The following ITGA11 variants were observed in gnomAD, a reference collection of about 807,000 sequenced individuals.
The protein encoded by ITGA11 is integrin subunit alpha 11.
ITGA11 carries 97 observed loss-of-function variants against 141.9 expected under a neutral mutation model. The observed-to-expected ratio is 0.68, with a 90% CI of 0.58 to 0.81. The LOEUF is 0.81. Among genes scored for constraint, ITGA11 ranks in the 30% least tolerant of loss-of-function variants. The pLI, the probability that ITGA11 is intolerant of heterozygous loss-of-function variation, is 0.00. For synonymous variants in ITGA11, 658 were observed against 624.6 expected, an observed-to-expected ratio of 1.05 and a Z score of -0.80; for missense variants, 1,387 against 1,559.2, an observed-to-expected ratio of 0.89 and a Z score of 1.86.
At chr15:68,409,508 C>T (rs1896721621) in intron 1 of ITGA11, among the ~76,000 whole-genome samples, 1 of 151,694 alleles carries the variant, frequency 6.6e-6, no homozygotes. Context: ...TGATACTCTA[C>T]CTATCAGTAC....
rs1287733432 is a variant in ITGA11, at chr15:68,305,081, T to TC, written c.3382-1197dup. 1.3e-5 allele frequency among the ~76,000 whole-genome samples: 2 copies of TC among 152,224 alleles called. No homozygotes were observed. The highest frequency in any genetic ancestry group is 4.8e-5 in the African/African-American group (2 of 41,464). On this transcript the variant is annotated intron_variant, in intron 28 of 29. Transcript: ENST00000315757. This position sits in a 1 kb window ranked among gnomAD's most constrained non-coding sequence, Gnocchi z 4.6. ...GTCCTGGCCCTGGCCTGCAAGGCCC[T>TC]CCCCTCTCGGGTCCCACCTGTCTTG...
At chr15:68,395,241 G>GAAAACTCT (rs1312498932) in intron 2 of ITGA11, among the ~76,000 whole-genome samples, 2 of 152,210 alleles carry the variant, frequency 1.3e-5, no homozygotes, top group Admixed American at 6.5e-5. Context: ...CAGAAAAGCT[G>GAAAACTCT]AAAACTCTAA....
chr15:68,431,677 C>T (rs931546496), intron 1 of ITGA11, among the ~76,000 whole-genome samples: 1 of 152,264 alleles, frequency 6.6e-6, no homozygotes, highest in Non-Finnish European at 1.5e-5. Flanking sequence ...CCCGAGTGCC[C>T]CTGGCAGCCG....
intron 2 of ITGA11, among the ~76,000 whole-genome samples, chr15:68,397,804 A>G (rs922336231): frequency 9.5e-6 from 1 of 104,842 alleles, no homozygotes; most frequent in Non-Finnish European, 1.8e-5. Context: ...AAAATTATTA[A>G]TAATAATATT....
In ITGA11 at chr15:68,308,842, T is replaced by C. The variant is rs1266924495; in HGVS notation, c.3175-1146A>G. ...GCAGCAGATCATTCATATCAATTTG[T>C]GAGGAAAAAAAAAATCTTGTTCAGG... is the stretch of plus-strand genomic sequence containing the variant. On this transcript the variant is annotated intron_variant, in intron 26 of 29. Transcript: ENST00000315757. The surrounding 1 kb of genome is among the most constrained non-coding windows in gnomAD (Gnocchi z 5.2). Among the ~76,000 whole-genome samples, 1 of 151,884 alleles carries C rather than the reference T, an allele frequency of 6.6e-6. No homozygotes were observed. The highest frequency in any genetic ancestry group is 2.4e-5 in the African/African-American group (1 of 41,356).
intron 3 of ITGA11, 44 bp from the exon 4 acceptor site, chr15:68,364,842 G>A (rs186414186): frequency 3.7e-5 from 58 of 1,558,258 alleles, no homozygotes; most frequent in East Asian, 2.2e-4. Context: ...CCTCCTGCCC[G>A]CCCTCTGCCC....
At chr15:68,397,983 T>G (rs1433367515) in intron 2 of ITGA11, among the ~76,000 whole-genome samples, 5 of 149,652 alleles carry the variant, frequency 3.3e-5, no homozygotes, top group African/African-American at 1.2e-4. Flanking sequence ...AGGCCTGCCC[T>G]AAAAGAGCTC....
chr15:68,373,280 T>C (rs1895643756), intron 2 of ITGA11, among the ~76,000 whole-genome samples: 1 of 152,186 alleles, frequency 6.6e-6, no homozygotes. Flanking sequence ...ACTGCCCTAC[T>C]GCACCAGAGT....
intron 11 of ITGA11, among the ~76,000 whole-genome samples, chr15:68,337,156 G>A (rs1272380448): frequency 6.6e-6 from 1 of 152,186 alleles, no homozygotes; most frequent in Non-Finnish European, 1.5e-5. Flanking sequence ...CTGCTTGGAA[G>A]GAGGGGCACT....
intron 1 of ITGA11, among the ~76,000 whole-genome samples, chr15:68,412,928 G>T (rs551596324): frequency 2.6e-5 from 4 of 151,878 alleles, no homozygotes; most frequent in Non-Finnish European, 5.9e-5. Flanking sequence ...TACCTGCCTC[G>T]GCCTCCCAAA....
chr15:68,310,966 T>C (rs1230041100), intron 26 of ITGA11, 28 bp downstream of exon 26: 9 of 1,558,944 alleles, frequency 5.8e-6, no homozygotes, highest in Non-Finnish European at 7.9e-6. Flanking sequence ...CCCCAACCAC[T>C]GTGGCTCTCG....
intron 3 of ITGA11, among the ~76,000 whole-genome samples, 197 bp from the exon 4 acceptor site, chr15:68,364,995 C>T (rs1298447316): frequency 3.1e-5 from 2 of 63,540 alleles, no homozygotes; most frequent in Non-Finnish European, 6.9e-5. Context: ...ATGAGAAAAC[C>T]GAGTCTCAGA....
chr15:68,354,116 C>T (rs763084394), intron 7 of ITGA11, among the ~76,000 whole-genome samples: 17 of 152,146 alleles, frequency 1.1e-4, no homozygotes, highest in Non-Finnish European at 2.1e-4. Context: ...GCTCCACTCC[C>T]GCTACCACAC....
intron 2 of ITGA11, among the ~76,000 whole-genome samples, chr15:68,385,471 T>C (rs962909984): frequency 3.3e-5 from 5 of 152,250 alleles, no homozygotes; most frequent in Admixed American, 6.5e-5. Context: ...GCCTTTGCAG[T>C]CAACCCAAAT....
chr15:68,335,798 C>T lies in ITGA11; in HGVS notation c.1324G>A (p.Val442Met), dbSNP rs777557460. ...VVSSRQGRVY[V>M]AGAPRFNHTG... ...TGGTTGAACCGGGGGGCTCCGGCCA[C>T]GTACACCCGCCCCTGCCTGGAGGAC... is the stretch of plus-strand genomic sequence containing the variant. Residue 442 changes from valine to methionine, a missense_variant, in exon 12 of 30, where the codon GTG becomes ATG. Val to Met is a conservative substitution (Grantham distance 21). Transcript: ENST00000315757. This position sits in a 1 kb window ranked among gnomAD's most constrained non-coding sequence, Gnocchi z 4.9. 7.4e-6 allele frequency: 12 copies of T among 1,613,222 alleles called. No individual in the cohort carries two copies. Among genetic ancestry groups the T allele is most frequent in the Admixed American group, 1.7e-5 (1 of 59,936 alleles).
Position 68,312,822 on chromosome 15 carries a change from G to C in ITGA11, c.2924C>G (p.Ser975Trp), listed in dbSNP as rs267604299. 6.2e-7 allele frequency: 1 copy of C among 1,613,812 alleles called. No individual in the cohort carries two copies. Among genetic ancestry groups the C allele is most frequent in the African/African-American group, 1.3e-5 (1 of 75,052 alleles). ...CCCGATACCATCGTATCTCTCCAGC[G>C]AGCTGTTGGGCTTGACCTCGTAGTG... ...LSHYEVKPNS[S>W]LERYDGIGPP... The change falls in exon 24 of 30, where the codon TCG (serine) becomes TGG (tryptophan). Residue 975 changes from serine (S) to tryptophan (W), a missense_variant. By Grantham distance (177) the Ser-to-Trp change is radical (BLOSUM62 -3). Transcript: ENST00000315757.
intron 18 of ITGA11, among the ~76,000 whole-genome samples, chr15:68,323,155 C>T (rs1893864364): frequency 6.6e-6 from 1 of 152,204 alleles, no homozygotes; most frequent in South Asian, 2.1e-4. Context: ...CCCATCTCGC[C>T]CCTCAGCTCC....
At chr15:68,327,137 C>T (rs1354443487) in intron 16 of ITGA11, among the ~76,000 whole-genome samples, 1 of 152,142 alleles carries the variant, frequency 6.6e-6, no homozygotes, top group Non-Finnish European at 1.5e-5. Context: ...CTCCGCCTCT[C>T]CCTCCACCTT....
rs767652100 is a variant in ITGA11 at position 68,303,792 on chromosome 15, G to T, written c.3475C>A (p.Leu1159Met). 6.2e-7 allele frequency: 1 copy of T among 1,611,548 alleles called. No homozygotes were observed. The highest frequency in any genetic ancestry group is 8.5e-7 in the Non-Finnish European group (1 of 1,178,238). The change falls in exon 29 of 30, where the codon CTG (leucine) becomes ATG (methionine). Residue 1159 changes from leucine (L) to methionine (M), a missense_variant. By Grantham distance (15) the Leu-to-Met change is conservative. Transcript: ENST00000315757. This position sits in a 1 kb window ranked among gnomAD's most constrained non-coding sequence, Gnocchi z 5.3. ...CTCACCTTCCACAGTGCCAGGACCA[G>T]CAGGGCCAGCAGTAGGAGGCCCCCC... ...TLGGLLLLAL[L>M]VLALWKLGFF...
Sources: gnomAD v4.1 joint callset for allele counts (sites outside exome capture counted in the v4.1 genomes callset) on GRCh38, gnomAD v4.1.1 for gene constraint, Gnocchi (gnomAD v3.1) non-coding constraint, MANE v1.5 for transcripts, NCBI Gene and HGNC (gene_info 2026-07-23, HGNC 2026-07-21) for gene names.